Variants in MAGI2 observed in about 807,000 individuals in gnomAD.
The protein encoded by MAGI2 is membrane associated guanylate kinase, WW and PDZ domain containing 2.
A neutral mutation model predicts 133.3 loss-of-function variants in MAGI2; 35 were observed. The ratio of observed to expected loss-of-function variants is 0.26; its 90% CI spans 0.20 to 0.35. The LOEUF (loss-of-function observed/expected upper bound fraction) is 0.35, where lower values mean the gene tolerates loss of function less well. Ranked by LOEUF, MAGI2 falls within the 10% of genes least tolerant of loss-of-function variation. The probability of loss-of-function intolerance (pLI) is 1.00; values close to 1 mark genes in which losing one functional copy is unlikely to be tolerated. For missense variants in MAGI2, 1,636 were observed against 1,863.4 expected (o/e 0.88, Z 2.25); for synonymous variants, 729 against 710.6 (o/e 1.03, Z -0.41).
chr7:78,841,716 A>T (rs1323536810), intron 2 of MAGI2, among the ~76,000 whole-genome samples: 2 of 152,056 alleles, frequency 1.3e-5, no homozygotes, highest in Admixed American at 6.6e-5. Context: ...GCATATTCAC[A>T]AAGGTGAATA....
chr7:78,970,431 C>T (rs1803689354), intron 2 of MAGI2, among the ~76,000 whole-genome samples: 1 of 151,984 alleles, frequency 6.6e-6, no homozygotes, highest in Non-Finnish European at 1.5e-5. Context: ...AGTCATTCTT[C>T]ATATTTTGAA....
intron 2 of MAGI2, among the ~76,000 whole-genome samples, chr7:78,804,015 T>C (rs1788301737): frequency 6.6e-6 from 1 of 152,242 alleles, no homozygotes; most frequent in Non-Finnish European, 1.5e-5. Context: ...CTCTTGCATA[T>C]GCTAAACTTG....
chr7:78,946,539 A>G (rs952886491), intron 2 of MAGI2, among the ~76,000 whole-genome samples: 1 of 152,176 alleles, frequency 6.6e-6, no homozygotes, highest in Non-Finnish European at 1.5e-5. Flanking sequence ...ACACAAGAAA[A>G]ATTGAATGTT....
chr7:79,452,313 C>T (rs1274776014), intron 1 of MAGI2, among the ~76,000 whole-genome samples: 2 of 152,202 alleles, frequency 1.3e-5, no homozygotes, highest in Non-Finnish European at 2.9e-5. Context: ...CCTCCTCCCC[C>T]GGGCTGGCTA....
intron 2 of MAGI2, among the ~76,000 whole-genome samples, chr7:78,675,767 C>T (rs1010024083): frequency 2.6e-5 from 4 of 152,116 alleles, no homozygotes; most frequent in Admixed American, 6.6e-5. Context: ...GTAAACAATC[C>T]TGTTTTGATA....
chr7:79,042,389 C>G (rs939339772), intron 1 of MAGI2, among the ~76,000 whole-genome samples: 2 of 151,982 alleles, frequency 1.3e-5, no homozygotes, highest in African/African-American at 4.8e-5. Context: ...GTTGATTTTT[C>G]TCTATCCCTT....
chr7:78,703,723 A>C (rs1370831818), intron 2 of MAGI2, among the ~76,000 whole-genome samples: 1 of 151,944 alleles, frequency 6.6e-6, no homozygotes, highest in Non-Finnish European at 1.5e-5. Flanking sequence ...GTGTTTTGTT[A>C]CCTGAAACTT....
intron 9 of MAGI2, among the ~76,000 whole-genome samples, chr7:78,310,483 G>T (rs188430674): frequency 5.1e-4 from 78 of 152,200 alleles, no homozygotes; most frequent in African/African-American, 1.4e-3. Context: ...GCTATTCTCG[G>T]TTATTTAATA....
intron 1 of MAGI2, among the ~76,000 whole-genome samples, chr7:79,376,690 C>A (rs1049437379): frequency 1.3e-5 from 2 of 151,800 alleles, no homozygotes; most frequent in Admixed American, 6.6e-5. Context: ...CTCAGTACAG[C>A]CCGAAATTTT....
intron 1 of MAGI2, among the ~76,000 whole-genome samples, chr7:79,201,512 G>A (rs897759428): frequency 6.6e-6 from 1 of 151,624 alleles, no homozygotes; most frequent in East Asian, 1.9e-4. Flanking sequence ...TTTTTGTTTT[G>A]TTTTGTTTTG....
chr7:78,448,900 A>G (rs980477504), intron 6 of MAGI2, among the ~76,000 whole-genome samples: 5 of 152,024 alleles, frequency 3.3e-5, no homozygotes, highest in Non-Finnish European at 7.4e-5. Flanking sequence ...AATGACCCAC[A>G]GAGAAGTAAC....
intron 4 of MAGI2, among the ~76,000 whole-genome samples, chr7:78,508,323 T>C (rs907372269): frequency 6.6e-6 from 1 of 152,230 alleles, no homozygotes; most frequent in African/African-American, 2.4e-5. Context: ...ATCAGTTCAC[T>C]GTGCAGTCCA....
intron 6 of MAGI2, among the ~76,000 whole-genome samples, chr7:78,380,717 A>G (rs1463057558): frequency 6.6e-6 from 1 of 152,184 alleles, no homozygotes; most frequent in East Asian, 1.9e-4. Context: ...ATTTTATTGT[A>G]CATTTAAAAA....
chr7:78,328,486 T>C (rs900420248), intron 9 of MAGI2, among the ~76,000 whole-genome samples: 6 of 49,796 alleles, frequency 1.2e-4, no homozygotes, highest in Admixed American at 6.4e-4. Flanking sequence ...TCAGCTCTTG[T>C]TGCTCCCAGC....
intron 3 of MAGI2, among the ~76,000 whole-genome samples, chr7:78,596,184 G>GAGGGAGGGACGGAATGA (rs764648185): frequency 8.3e-6 from 1 of 120,330 alleles, no homozygotes. Flanking sequence ...TGAAGGAAGG[G>GAGGGAGGGACGGAATGA]AGGGAGGGAG....
chr7:78,397,032 C>G (rs1462661291), intron 6 of MAGI2, among the ~76,000 whole-genome samples: 2 of 152,036 alleles, frequency 1.3e-5, no homozygotes, highest in East Asian at 3.9e-4. Context: ...CCTGATAACT[C>G]TATAAAATGG....
At chr7:78,735,272 C>T (rs1367040801) in intron 2 of MAGI2, among the ~76,000 whole-genome samples, 6 of 152,130 alleles carry the variant, frequency 3.9e-5, no homozygotes, top group Admixed American at 3.9e-4. Context: ...AGACAAGTCA[C>T]TGCATTATTT....
At chr7:78,316,726 T>A (rs1787445289) in intron 9 of MAGI2, among the ~76,000 whole-genome samples, 2 of 151,742 alleles carry the variant, frequency 1.3e-5, no homozygotes, top group South Asian at 4.1e-4. Flanking sequence ...AATGTGAAAC[T>A]CTTTATTAAG....
Position 79,307,740 on chromosome 7 carries a change from T to C in MAGI2, c.301+145280A>G, listed in dbSNP as rs1482037322. ...AAAGAATGTGGCCTGGAGCGGAACATTACATTACAGGAGATTTGAAAGCCA... is the reference window on the plus strand; with the variant it reads ...AAAGAATGTGGCCTGGAGCGGAACACTACATTACAGGAGATTTGAAAGCCA... On this transcript the variant is annotated intron_variant, in intron 1 of 21. Coordinates refer to ENST00000354212, the MANE Select transcript of MAGI2 (RefSeq NM_012301.4). Among the ~76,000 whole-genome samples, 3 of 152,318 alleles carry C rather than the reference T, an allele frequency of 2.0e-5. No homozygotes were observed. In the East Asian group the frequency reaches 5.8e-4, roughly 29 times the overall value.
Sources: allele counts gnomAD v4.1 joint callset (sites outside exome capture counted in the v4.1 genomes callset), GRCh38; gene constraint gnomAD v4.1.1; transcripts MANE v1.5; gene names NCBI Gene and HGNC (gene_info 2026-07-23, HGNC 2026-07-21).